The following PTPRT variants were observed in gnomAD, a reference collection of about 807,000 sequenced individuals.
PTPRT encodes the protein receptor-type tyrosine-protein phosphatase T.
Under a neutral mutation model 176.8 loss-of-function variants are expected in PTPRT, and 56 were observed. The ratio of observed to expected loss-of-function variants is 0.32; its 90% CI spans 0.26 to 0.40. The LOEUF is 0.40. PTPRT is among the 10% of genes least tolerant of loss of function. PTPRT has a pLI of 1.00. For missense variants in PTPRT, 1,540 were observed against 1,908.2 expected, an observed-to-expected ratio of 0.81 and a Z score of 3.60; for synonymous variants, 783 against 739.0, an observed-to-expected ratio of 1.06 and a Z score of -0.96.
At chr20:43,105,409 T>C (rs1380543243) in intron 1 of PTPRT, among the ~76,000 whole-genome samples, 1 of 151,996 alleles carries the variant, frequency 6.6e-6, no homozygotes, top group South Asian at 2.1e-4. Context: ...TGATACTCTT[T>C]TTTTTTTCTG....
chr20:42,156,250 C>T (rs576404907), intron 17 of PTPRT, among the ~76,000 whole-genome samples: 2 of 152,296 alleles, frequency 1.3e-5, no homozygotes, highest in South Asian at 4.1e-4. Flanking sequence ...CTGGATATAC[C>T]TCTATGGTGG....
chr20:42,283,440 G>C (rs555781184), intron 12 of PTPRT, among the ~76,000 whole-genome samples: 1 of 152,244 alleles, frequency 6.6e-6, no homozygotes, highest in South Asian at 2.1e-4. Context: ...ATTGCATCTT[G>C]AAGGGATTGG....
chr20:42,353,259 C>A (rs1359284017), intron 9 of PTPRT, among the ~76,000 whole-genome samples: 1 of 152,164 alleles, frequency 6.6e-6, no homozygotes, highest in Non-Finnish European at 1.5e-5. Context: ...TCCCAGGCCC[C>A]ATATTCCAGA....
At chr20:42,674,668 T>G (rs1044028571) in intron 7 of PTPRT, among the ~76,000 whole-genome samples, 3 of 152,220 alleles carry the variant, frequency 2.0e-5, no homozygotes, top group Admixed American at 2.0e-4. Context: ...CATTATGTCC[T>G]TTTAAAGTAG....
intron 2 of PTPRT, 75 bp from the exon 3 acceptor site, chr20:42,791,541 C>T (rs2145552336): frequency 6.9e-7 from 1 of 1,457,638 alleles, no homozygotes; most frequent in Admixed American, 2.1e-5. Flanking sequence ...TCAGTCACAC[C>T]CATAAACATG....
chr20:42,696,129 C>T (rs1428684516), intron 6 of PTPRT, among the ~76,000 whole-genome samples: 1 of 151,792 alleles, frequency 6.6e-6, no homozygotes, highest in Non-Finnish European at 1.5e-5. Context: ...TCCCCTTTTC[C>T]TCTGCTCTTC....
intron 7 of PTPRT, among the ~76,000 whole-genome samples, chr20:42,592,442 A>G (rs1360865736): frequency 1.3e-5 from 2 of 152,216 alleles, no homozygotes; most frequent in Non-Finnish European, 2.9e-5. Context: ...TGAAAGCATC[A>G]AGAACACCCT....
intron 1 of PTPRT, among the ~76,000 whole-genome samples, chr20:43,091,843 G>C (rs899380772): frequency 6.6e-6 from 1 of 152,170 alleles, no homozygotes; most frequent in East Asian, 1.9e-4. Flanking sequence ...TTCATGATTC[G>C]GTGAAGAAGA....
At chr20:42,257,340 C>T (rs1306983991) in intron 13 of PTPRT, among the ~76,000 whole-genome samples, 2 of 152,166 alleles carry the variant, frequency 1.3e-5, no homozygotes. Flanking sequence ...ATGCAAAGTG[C>T]TAACAATGAA....
rs963325875 is a variant in PTPRT, at chr20:42,662,582, T to C, written c.1153+15284A>G. Among the ~76,000 whole-genome samples, 14 of 152,092 alleles carry C rather than the reference T, an allele frequency of 9.2e-5. No individual in the cohort carries two copies. In the East Asian group the frequency reaches 2.5e-3, roughly 27 times the overall value. On this transcript the variant is annotated intron_variant, in intron 7 of 30. Coordinates refer to ENST00000373187, the MANE Select transcript of PTPRT (RefSeq NM_007050.6). ...ATTAATGACCTGTATTTCTATCCAG[T>C]GAGGTAAGCAGCATTATACTAATTA...
intron 7 of PTPRT, among the ~76,000 whole-genome samples, chr20:42,588,618 T>C (rs973204644): frequency 2.6e-5 from 4 of 152,160 alleles, no homozygotes; most frequent in African/African-American, 4.8e-5. Flanking sequence ...TAAATAATAT[T>C]TGAAATATAT....
intron 7 of PTPRT, among the ~76,000 whole-genome samples, chr20:42,613,435 T>C (rs1226808660): frequency 2.0e-5 from 3 of 152,246 alleles, no homozygotes; most frequent in Admixed American, 2.0e-4. Context: ...CCATACTAGT[T>C]ATGCAGCTCT....
chr20:42,303,896 A>G (rs560661325), intron 12 of PTPRT, among the ~76,000 whole-genome samples: 1 of 152,316 alleles, frequency 6.6e-6, no homozygotes, highest in African/African-American at 2.4e-5. Flanking sequence ...GATAGGAAAG[A>G]TGCAGGAATA....
intron 2 of PTPRT, among the ~76,000 whole-genome samples, chr20:42,861,687 C>A (rs986215837): frequency 2.0e-5 from 3 of 151,246 alleles, no homozygotes; most frequent in African/African-American, 7.3e-5. Flanking sequence ...CTGGATAAAA[C>A]AAAACAAAAC....
At chr20:42,340,054 T>C (rs1004266382) in intron 11 of PTPRT, among the ~76,000 whole-genome samples, 7 of 152,218 alleles carry the variant, frequency 4.6e-5, no homozygotes, top group South Asian at 4.1e-4. Context: ...TAGAGCAATG[T>C]AGTAAAATAG....
At chr20:42,621,592 G>T (rs1339862153) in intron 7 of PTPRT, among the ~76,000 whole-genome samples, 1 of 152,114 alleles carries the variant, frequency 6.6e-6, no homozygotes, top group Non-Finnish European at 1.5e-5. Context: ...GAATTCCTTG[G>T]CTTCTGAGTG....
intron 11 of PTPRT, among the ~76,000 whole-genome samples, chr20:42,344,838 G>A (rs1028955013): frequency 1.3e-5 from 2 of 151,872 alleles, no homozygotes; most frequent in East Asian, 1.9e-4. Flanking sequence ...CTGTCCCCAC[G>A]CACTGAGCTA....
In PTPRT at chr20:42,808,033, G is replaced by C. The variant is rs929092845; in HGVS notation, c.215-16567C>G. 4.6e-5 allele frequency among the ~76,000 whole-genome samples: 7 copies of C among 152,168 alleles called. No homozygotes were observed. In the South Asian group the frequency reaches 1.4e-3, roughly 32 times the overall value. ...TGTCAGCTGCAGAGTGTACTCCCAA[G>C]GTCTGCCTTTCTGAGAGCTGCACAT... On this transcript the variant is annotated intron_variant, in intron 2 of 30. Coordinates refer to ENST00000373187, the MANE Select transcript of PTPRT (RefSeq NM_007050.6).
chr20:42,635,645 G>C (rs898899321), intron 7 of PTPRT, among the ~76,000 whole-genome samples: 2 of 152,192 alleles, frequency 1.3e-5, no homozygotes, highest in East Asian at 1.9e-4. Context: ...AAATACCATG[G>C]TAATAATTCT....
Sources: gnomAD v4.1 joint callset for allele counts (sites outside exome capture counted in the v4.1 genomes callset) on GRCh38, gnomAD v4.1.1 for gene constraint, MANE v1.5 for transcripts, NCBI Gene and HGNC (gene_info 2026-07-23, HGNC 2026-07-21) for gene names.